PRSS23: variants seen among roughly 807,000 people sequenced by gnomAD.
PRSS23 encodes protease, serine 23.
Under a neutral mutation model 34.7 loss-of-function variants are expected in PRSS23, and 25 were observed. That is an observed-to-expected ratio of 0.72 (90% CI 0.53 to 1.01). The LOEUF is 1.01. Ranked by LOEUF, PRSS23 falls within the 50% of genes least tolerant of loss-of-function variation. The pLI, the probability that PRSS23 is intolerant of heterozygous loss-of-function variation, is 0.00. For missense variants in PRSS23, 445 were observed against 475.6 expected (o/e 0.94, Z 0.60); for synonymous variants, 176 against 186.6 (o/e 0.94, Z 0.46).
chr11:86,938,443 G>A (rs1949179050), intron 2 of PRSS23, among the ~76,000 whole-genome samples: 1 of 152,092 alleles, frequency 6.6e-6, no homozygotes, highest in Non-Finnish European at 1.5e-5. Flanking sequence ...GAGTGAAAGA[G>A]CCTCCTGGCT....
chr11:86,798,634 ATC>A (rs1947998046), upstream of PRSS23, among the ~76,000 whole-genome samples: 1 of 152,194 alleles, frequency 6.6e-6, no homozygotes, highest in South Asian at 2.1e-4. Flanking sequence ...ATTTTTATAA[ATC>A]TGTTTTGGTT....
chr11:86,846,594 G>A (rs896967159), intron 2 of PRSS23, among the ~76,000 whole-genome samples: 1 of 152,190 alleles, frequency 6.6e-6, no homozygotes, highest in Non-Finnish European at 1.5e-5. Flanking sequence ...AGCCCTGCCA[G>A]AGGCTCCCCC....
chr11:86,864,159 T>C (rs1565370126), intron 2 of PRSS23, among the ~76,000 whole-genome samples: 1 of 152,212 alleles, frequency 6.6e-6, no homozygotes, highest in Non-Finnish European at 1.5e-5. Context: ...AGAATGGCCT[T>C]GAGATGTGAC....
exon 3 of PRSS23, chr11:86,951,421 T>G: frequency 1.2e-6 from 2 of 1,612,840 alleles, no homozygotes; most frequent in South Asian, 2.2e-5. Flanking sequence ...TTGCAGGAAC[T>G]GTGTACAGTA....
chr11:86,939,422 A>T lies in PRSS23; in HGVS notation c.207-11794A>T, dbSNP rs1423558474. 7.0e-4 allele frequency among the ~76,000 whole-genome samples: 62 copies of T among 88,706 alleles called. 3 individuals are homozygous for T. Among genetic ancestry groups the T allele is most frequent in the South Asian group, 2.5e-3 (7 of 2,806 alleles). 58.2% of individuals were successfully genotyped at this position (88,706 alleles called of 152,430 possible). A position where few individuals can be genotyped will look rare whatever the true frequency, so the allele number is the denominator to read the frequency against. ...AAAAAAAATATATATATATATATAT[A>T]TATATTTTTTAACATGAGTAAAAAT... On this transcript the variant is annotated intron_variant, in intron 2 of 2. Coordinates refer to the PRSS23 transcript ENST00000533902.
At chr11:86,887,554 G>A (rs2134967927) in intron 2 of PRSS23, among the ~76,000 whole-genome samples, 1 of 152,224 alleles carries the variant, frequency 6.6e-6, no homozygotes, top group Admixed American at 6.5e-5. Context: ...ACCCCTTTAC[G>A]GAAGCACTTT....
upstream of PRSS23, among the ~76,000 whole-genome samples, chr11:86,796,714 T>G (rs1335672023): frequency 1.3e-5 from 2 of 151,780 alleles, no homozygotes; most frequent in Non-Finnish European, 2.9e-5. Context: ...TAGTATGCAT[T>G]CACTAAGCAT....
intron 1 of PRSS23, among the ~76,000 whole-genome samples, chr11:86,793,728 ATTAAT>A (rs1947965191): frequency 6.6e-6 from 1 of 152,330 alleles, no homozygotes; most frequent in Non-Finnish European, 1.5e-5. Context: ...AATTTTATTC[ATTAAT>A]TTAATCATTT....
chr11:86,838,153 A>C (rs1466911671), intron 2 of PRSS23, among the ~76,000 whole-genome samples: 2 of 152,042 alleles, frequency 1.3e-5, no homozygotes, highest in Non-Finnish European at 2.9e-5. Flanking sequence ...TACAATATAA[A>C]ATTTGATCTG....
Position 86,951,942 on chromosome 11 carries a change from T to C in PRSS23, c.*657T>C, listed in dbSNP as rs771381203. ...ATCCTTTCCCGGCCTACAGTCAGCC[T>C]GACAATATAAGCAATGCTATAAATA... On this transcript the variant is annotated 3_prime_UTR_variant, in exon 3 of 3. Coordinates refer to the PRSS23 transcript ENST00000533902. 1.9e-6 allele frequency: 3 copies of C among 1,613,952 alleles called. No homozygotes were observed. The Admixed American group carries it at 5.0e-5, about 27-fold the overall frequency.
At chr11:86,797,985 T>C (rs1565346610), upstream of PRSS23, among the ~76,000 whole-genome samples, 1 of 152,218 alleles carries the variant, frequency 6.6e-6, no homozygotes, top group South Asian at 2.1e-4. Context: ...GGTCCTCCTA[T>C]ATGCATCTCT....
intron 2 of PRSS23, among the ~76,000 whole-genome samples, chr11:86,881,593 G>A (rs922688749): frequency 6.6e-6 from 1 of 152,026 alleles, no homozygotes; most frequent in African/African-American, 2.4e-5. Flanking sequence ...ATTTAAATAT[G>A]CTGGCCTCAA....
chr11:86,854,936 G>C (rs1948558176), intron 2 of PRSS23, among the ~76,000 whole-genome samples: 1 of 152,192 alleles, frequency 6.6e-6, no homozygotes, highest in Non-Finnish European at 1.5e-5. Flanking sequence ...AGAGGCCGAG[G>C]TGGGCGGTCA....
chr11:86,924,271 C>G (rs1262548446), intron 2 of PRSS23, among the ~76,000 whole-genome samples: 1 of 152,144 alleles, frequency 6.6e-6, no homozygotes, highest in South Asian at 2.1e-4. Context: ...CAAAATTCCT[C>G]TCCCAGAGAC....
At chr11:86,838,658 A>C (rs1329492508) in intron 2 of PRSS23, among the ~76,000 whole-genome samples, 1 of 152,222 alleles carries the variant, frequency 6.6e-6, no homozygotes, top group Non-Finnish European at 1.5e-5. Context: ...AAGAACAGAC[A>C]TACTGCCTCC....
intron 1 of PRSS23, among the ~76,000 whole-genome samples, chr11:86,822,531 G>A (rs1441252018): frequency 4.6e-5 from 7 of 151,626 alleles, no homozygotes; most frequent in African/African-American, 1.7e-4. Context: ...TGAGGTGGGA[G>A]GATAGCTTGA....
chr11:86,952,583 T>G, exon 3 of PRSS23: 1 of 1,134,812 alleles, frequency 8.8e-7, no homozygotes, highest in Non-Finnish European at 1.3e-6. Flanking sequence ...TATCTACTTT[T>G]AAACCAACCT....
At chr11:86,952,716 A>T (rs1336206024) in exon 3 of PRSS23, 3 of 423,046 alleles carry the variant, frequency 7.1e-6, no homozygotes, top group Non-Finnish European at 1.3e-5. Flanking sequence ...ATAAATAAAT[A>T]AAATAAATAG....
At chr11:86,927,679 C>A (rs1177100879) in intron 2 of PRSS23, among the ~76,000 whole-genome samples, 1 of 152,084 alleles carries the variant, frequency 6.6e-6, no homozygotes, top group Admixed American at 6.5e-5. Context: ...ATCTTCTTTT[C>A]CTTTCTCCTT....
Sources: gnomAD v4.1 joint callset for allele counts (sites outside exome capture counted in the v4.1 genomes callset) on GRCh38, gnomAD v4.1.1 for gene constraint, MANE v1.5 for transcripts, NCBI Gene and HGNC (gene_info 2026-07-23, HGNC 2026-07-21) for gene names.